The following ACAP2 variants were observed in gnomAD, a reference collection of about 807,000 sequenced individuals.
The protein encoded by ACAP2 is ArfGAP with coiled-coil, ankyrin repeat and PH domains 2, also known as arf-GAP with coiled-coil, ANK repeat and PH domain-containing protein 2.
A neutral mutation model predicts 115.8 loss-of-function variants in ACAP2; 39 were observed. The ratio of observed to expected loss-of-function variants is 0.34; its 90% confidence interval spans 0.26 to 0.44. The LOEUF (loss-of-function observed/expected upper bound fraction) is 0.44, where lower values mean the gene tolerates loss of function less well. Among genes scored for constraint, ACAP2 ranks in the 20% least tolerant of loss-of-function variants. The probability of loss-of-function intolerance (pLI) is 1.00; values close to 1 mark genes in which losing one functional copy is unlikely to be tolerated. For missense variants in ACAP2, 662 were observed against 927.6 expected (o/e 0.71, Z 3.72); for synonymous variants, 289 against 315.8 (o/e 0.92, Z 0.90).
At chr3:195,322,596 T>TG (rs535093291) in intron 9 of ACAP2, among the ~76,000 whole-genome samples, 6 of 152,074 alleles carry the variant, frequency 3.9e-5, no homozygotes, top group Admixed American at 3.3e-4. Context: ...ACTTTTTCTT[T>TG]GGGGGAAAAA....
intron 13 of ACAP2, 138 bp downstream of exon 13, chr3:195,306,373 C>T (rs1728422059): frequency 2.1e-6 from 1 of 486,670 alleles, no homozygotes; most frequent in Admixed American, 3.3e-5. Flanking sequence ...GAAATTAAAT[C>T]CAGATTTTAA....
chr3:195,417,294 T>G (rs2108824648), intron 1 of ACAP2, among the ~76,000 whole-genome samples: 1 of 151,940 alleles, frequency 6.6e-6, no homozygotes, highest in South Asian at 2.1e-4. Flanking sequence ...TGAACATCTC[T>G]ACCTGAATGT....
chr3:195,288,745 C>A (rs952627269), intron 21 of ACAP2, among the ~76,000 whole-genome samples: 5 of 151,936 alleles, frequency 3.3e-5, no homozygotes, highest in African/African-American at 1.2e-4. Flanking sequence ...GTAATCCCAG[C>A]GACTAGGGAG....
intron 4 of ACAP2, among the ~76,000 whole-genome samples, chr3:195,373,747 T>C (rs1247918025): frequency 2.0e-5 from 3 of 151,790 alleles, no homozygotes; most frequent in Admixed American, 6.6e-5. Flanking sequence ...CTGGTCAACA[T>C]AGTGAAAGCC....
intron 15 of ACAP2, among the ~76,000 whole-genome samples, chr3:195,299,738 TGAGG>T (rs1290005570): frequency 6.6e-6 from 1 of 151,966 alleles, no homozygotes; most frequent in Non-Finnish European, 1.5e-5. Flanking sequence ...CTCAGGAGGC[TGAGG>T]GAGGAGAATG....
chr3:195,403,588 T>C (rs994002333), intron 1 of ACAP2, among the ~76,000 whole-genome samples: 3 of 152,262 alleles, frequency 2.0e-5, no homozygotes, highest in Non-Finnish European at 2.9e-5. Flanking sequence ...ACCAAGAGGA[T>C]TTCTTGATGA....
At chr3:195,380,534 G>A (rs889207062) in intron 4 of ACAP2, among the ~76,000 whole-genome samples, 1 of 152,112 alleles carries the variant, frequency 6.6e-6, no homozygotes, top group African/African-American at 2.4e-5. Context: ...ATTCTTGAAG[G>A]ATAAATGCCC....
intron 10 of ACAP2, among the ~76,000 whole-genome samples, chr3:195,309,387 T>C (rs1338824484): frequency 6.6e-6 from 1 of 151,726 alleles, no homozygotes; most frequent in Non-Finnish European, 1.5e-5. Flanking sequence ...TCTAATAAAA[T>C]ATACAAAAAT....
intron 6 of ACAP2, among the ~76,000 whole-genome samples, chr3:195,341,487 G>A (rs1421581949): frequency 6.6e-6 from 1 of 151,952 alleles, no homozygotes; most frequent in Non-Finnish European, 1.5e-5. Context: ...ACCACGCCCA[G>A]CTAATTTTTT....
chr3:195,341,290 G>T (rs1393452613), intron 6 of ACAP2, among the ~76,000 whole-genome samples: 1 of 143,340 alleles, frequency 7.0e-6, no homozygotes, highest in Non-Finnish European at 1.5e-5. Context: ...CTAGTTTTTG[G>T]GTTTTTTCGT....
intron 4 of ACAP2, among the ~76,000 whole-genome samples, chr3:195,380,620 GA>G (rs1733880300): frequency 6.6e-6 from 1 of 152,198 alleles, no homozygotes; most frequent in Admixed American, 6.5e-5. Context: ...TAGATAAAGG[GA>G]ATATATTGGT....
At chr3:195,422,884 T>C (rs1714298834) in intron 1 of ACAP2, among the ~76,000 whole-genome samples, 1 of 152,130 alleles carries the variant, frequency 6.6e-6, no homozygotes, top group South Asian at 2.1e-4. Context: ...ATAATCCAAA[T>C]TTTTCATGAT....
intron 4 of ACAP2, among the ~76,000 whole-genome samples, chr3:195,366,091 C>T (rs761252351): frequency 2.0e-5 from 3 of 152,126 alleles, no homozygotes; most frequent in Non-Finnish European, 2.9e-5. Context: ...ATCTGCCCAC[C>T]ACCTTGGCCT....
Position 195,318,228 on chromosome 3 carries a change from T to C in ACAP2, c.857+2473A>G, listed in dbSNP as rs113716600. 4.1e-4 allele frequency among the ~76,000 whole-genome samples: 63 copies of C among 152,308 alleles called. No homozygotes were observed. In the Middle Eastern group the frequency reaches 0.017, roughly 41 times the overall value. On this transcript the variant is annotated intron_variant, in intron 10 of 22. Transcript: ENST00000326793. ...TCTTTATAAATTACCCAGTCTCAGG[T>C]AGTATCTTTATAGCAGTGTGAACAT... is the stretch of plus-strand genomic sequence containing the variant.
intron 1 of ACAP2, among the ~76,000 whole-genome samples, chr3:195,434,386 T>A (rs1016777568): frequency 6.6e-6 from 1 of 152,014 alleles, no homozygotes; most frequent in Non-Finnish European, 1.5e-5. Flanking sequence ...ACGCATGCTA[T>A]CACACTTAGC....
At chr3:195,353,080 T>TAAAAAA (rs530794501) in intron 4 of ACAP2, among the ~76,000 whole-genome samples, 3 of 134,068 alleles carry the variant, frequency 2.2e-5, no homozygotes, top group Non-Finnish European at 3.2e-5. Context: ...ACTCTGTCTT[T>TAAAAAA]AAAAAAAAAA....
At chr3:195,371,231 C>A (rs566348583) in intron 4 of ACAP2, among the ~76,000 whole-genome samples, 2 of 152,218 alleles carry the variant, frequency 1.3e-5, no homozygotes, top group African/African-American at 4.8e-5. Context: ...TCTCTGATTT[C>A]TTTGAGCAAT....
At chr3:195,337,909 G>A (rs529521634) in intron 6 of ACAP2, among the ~76,000 whole-genome samples, 9 of 151,052 alleles carry the variant, frequency 6.0e-5, no homozygotes, top group East Asian at 1.9e-4. Context: ...ACCTGAGCCC[G>A]GGGCCACTCC....
At chr3:195,420,233 C>A (rs974391988) in intron 1 of ACAP2, among the ~76,000 whole-genome samples, 4 of 152,108 alleles carry the variant, frequency 2.6e-5, no homozygotes, top group Non-Finnish European at 5.9e-5. Context: ...TTCACCTCTA[C>A]TTATTTCCTA....
Sources: allele counts gnomAD v4.1 joint callset (sites outside exome capture counted in the v4.1 genomes callset), GRCh38; gene constraint gnomAD v4.1.1; transcripts MANE v1.5; gene names NCBI Gene and HGNC (gene_info 2026-07-23, HGNC 2026-07-21).